The following GRIP1 variants were observed in gnomAD, a reference collection of about 807,000 sequenced individuals.
GRIP1 encodes glutamate receptor interacting protein 1.
In GRIP1, 45 loss-of-function variants were observed where a neutral mutation model predicts 129.9. The observed-to-expected ratio is 0.35, with a 90% CI of 0.27 to 0.44. The LOEUF (loss-of-function observed/expected upper bound fraction) is 0.44. Among genes scored for constraint, GRIP1 ranks in the 20% least tolerant of loss-of-function variants. The pLI, the probability that GRIP1 is intolerant of heterozygous loss-of-function variation, is 1.00. For missense variants in GRIP1, 1,196 were observed against 1,396.8 expected (o/e 0.86, Z 2.29); for synonymous variants, 530 against 520.8 (o/e 1.02, Z -0.24).
chr12:66,942,288 A>ATT (rs5798847), intron 1 of GRIP1, among the ~76,000 whole-genome samples: 9 of 149,212 alleles, frequency 6.0e-5, no homozygotes, highest in East Asian at 2.0e-4. Flanking sequence ...TTCTGTTCTT[A>ATT]TTTTTTTTTT....
intron 1 of GRIP1, among the ~76,000 whole-genome samples, chr12:66,888,810 T>C (rs920145762): frequency 3.3e-5 from 5 of 152,316 alleles, no homozygotes; most frequent in African/African-American, 9.6e-5. Flanking sequence ...CTGAACACAG[T>C]TGCTATCATC....
intron 4 of GRIP1, among the ~76,000 whole-genome samples, chr12:66,533,059 T>C (rs1448064932): frequency 6.6e-6 from 1 of 152,168 alleles, no homozygotes; most frequent in Non-Finnish European, 1.5e-5. Flanking sequence ...AGGAATTGCA[T>C]CCTTTCTAAC....
At chr12:66,872,535 T>A (rs191879911) in intron 1 of GRIP1, among the ~76,000 whole-genome samples, 6 of 152,140 alleles carry the variant, frequency 3.9e-5, no homozygotes, top group Non-Finnish European at 7.4e-5. Flanking sequence ...AAAATCTGGA[T>A]ATATTCCAGG....
intron 3 of GRIP1, among the ~76,000 whole-genome samples, chr12:66,539,507 T>A (rs2061705403): frequency 6.6e-6 from 1 of 152,046 alleles, no homozygotes; most frequent in African/African-American, 2.4e-5. Context: ...TTTGCCTGTT[T>A]TATTTTTAAA....
chr12:66,789,727 TTAC>T (rs1308637756), intron 1 of GRIP1, among the ~76,000 whole-genome samples: 3 of 152,138 alleles, frequency 2.0e-5, no homozygotes, highest in South Asian at 4.1e-4. Flanking sequence ...GCAATCCGAA[TTAC>T]TTCTCCCTTG....
At chr12:66,431,303 C>CTAAA in intron 14 of GRIP1, among the ~76,000 whole-genome samples, 2 of 152,236 alleles carry the variant, frequency 1.3e-5, no homozygotes, top group East Asian at 3.9e-4. Flanking sequence ...GCTGGAGTCT[C>CTAAA]TAAAATCCCA....
At chr12:67,066,195 T>C (rs781624863) in intron 1 of GRIP1, among the ~76,000 whole-genome samples, 1 of 152,132 alleles carries the variant, frequency 6.6e-6, no homozygotes, top group Non-Finnish European at 1.5e-5. Context: ...ACCCGAGTAA[T>C]GAATGGTGTG....
chr12:66,986,140 T>C (rs1413078528), intron 1 of GRIP1, among the ~76,000 whole-genome samples: 1 of 152,142 alleles, frequency 6.6e-6, no homozygotes, highest in Non-Finnish European at 1.5e-5. Flanking sequence ...GATACACTTG[T>C]GTGGCAAAAT....
intron 1 of GRIP1, among the ~76,000 whole-genome samples, chr12:67,041,319 CGTGT>C (rs1245136826): frequency 6.6e-6 from 1 of 151,210 alleles, no homozygotes; most frequent in African/African-American, 2.4e-5. Context: ...TATATATACA[CGTGT>C]GTATGTGTGT....
At chr12:66,554,719 T>A (rs1018622141) in intron 2 of GRIP1, among the ~76,000 whole-genome samples, 3 of 151,530 alleles carry the variant, frequency 2.0e-5, no homozygotes, top group Non-Finnish European at 4.4e-5. Context: ...GACTGAAGAG[T>A]CCATGGACCT....
chr12:66,835,660 T>C (rs1406177139), intron 1 of GRIP1, among the ~76,000 whole-genome samples: 1 of 152,238 alleles, frequency 6.6e-6, no homozygotes, highest in East Asian at 1.9e-4. Flanking sequence ...CCCAAAAGGC[T>C]GCATACCATA....
chr12:67,004,301 T>C (rs770601187), intron 1 of GRIP1, among the ~76,000 whole-genome samples: 2 of 152,190 alleles, frequency 1.3e-5, no homozygotes, highest in Non-Finnish European at 2.9e-5. Context: ...TTCAATTATA[T>C]AGCACATTTG....
intron 7 of GRIP1, among the ~76,000 whole-genome samples, chr12:66,507,310 C>T (rs1183871672): frequency 1.3e-5 from 2 of 152,058 alleles, no homozygotes; most frequent in Non-Finnish European, 2.9e-5. Context: ...TGGTAGCAGG[C>T]ACCTGTAGTC....
At chr12:67,033,898 C>G (rs1166577165) in intron 1 of GRIP1, among the ~76,000 whole-genome samples, 1 of 152,140 alleles carries the variant, frequency 6.6e-6, no homozygotes, top group Non-Finnish European at 1.5e-5. Flanking sequence ...AAGAGTAGCA[C>G]ATAATACAGC....
chr12:66,421,302 G>A lies in GRIP1; in HGVS notation c.1769-513C>T, dbSNP rs147805837. On this transcript the variant is annotated intron_variant, in intron 14 of 24. Coordinates refer to ENST00000359742, the MANE Select transcript of GRIP1 (RefSeq NM_001366722.1). The stretch of plus-strand genomic sequence containing the variant: ...CTCATGCCTGTAATCCTAGCACTTT[G>A]AGAGGCTGAGGTGGGAGGATCACCT... Among the ~76,000 whole-genome samples the A allele has an allele frequency of 5.1e-3, 770 of 152,280 alleles. 9 individuals carry two copies. Among genetic ancestry groups the A allele is most frequent in the African/African-American group, 0.017 (718 of 41,560 alleles).
At chr12:67,027,751 A>T (rs1035564190) in intron 1 of GRIP1, among the ~76,000 whole-genome samples, 1 of 152,234 alleles carries the variant, frequency 6.6e-6, no homozygotes, top group Admixed American at 6.5e-5. Flanking sequence ...AGTGGTGCAC[A>T]TAAGGTCACT....
chr12:66,884,886 T>C (rs1324289071), intron 1 of GRIP1, among the ~76,000 whole-genome samples: 1 of 152,188 alleles, frequency 6.6e-6, no homozygotes, highest in Non-Finnish European at 1.5e-5. Context: ...CATCCATTTC[T>C]TAAATGAGAG....
intron 1 of GRIP1, among the ~76,000 whole-genome samples, chr12:66,693,292 GA>G (rs2035042306): frequency 6.6e-6 from 1 of 152,164 alleles, no homozygotes; most frequent in Admixed American, 6.6e-5. Context: ...GCACACTTCA[GA>G]AATGTCTATA....
chr12:66,423,315 T>G (rs1197439614), intron 14 of GRIP1, among the ~76,000 whole-genome samples: 1 of 152,240 alleles, frequency 6.6e-6, no homozygotes, highest in Non-Finnish European at 1.5e-5. Context: ...AGCTATTACA[T>G]GTAAAGAGAT....
Sources: allele counts gnomAD v4.1 joint callset (sites outside exome capture counted in the v4.1 genomes callset), GRCh38; gene constraint gnomAD v4.1.1; transcripts MANE v1.5; gene names NCBI Gene and HGNC (gene_info 2026-07-23, HGNC 2026-07-21).